ATF7: variants seen among roughly 807,000 people sequenced by gnomAD.
ATF7 encodes the protein activating transcription factor 7.
ATF7 carries 10 observed loss-of-function variants against 50.4 expected under a neutral mutation model. The observed-to-expected ratio is 0.20, with a 90% CI of 0.12 to 0.34. The LOEUF is 0.34. Among genes scored for constraint, ATF7 ranks in the 10% least tolerant of loss-of-function variants. ATF7 has a pLI of 1.00. For missense variants in ATF7, 465 were observed against 613.9 expected, an observed-to-expected ratio of 0.76 and a Z score of 2.56; for synonymous variants, 201 against 226.4, an observed-to-expected ratio of 0.89 and a Z score of 1.01.
chr12:53,562,321 C>A (rs79598123), intron 2 of ATF7, among the ~76,000 whole-genome samples: 6,419 of 152,190 alleles, frequency 0.042, 383 homozygotes, highest in African/African-American at 0.13. Context: ...TAAAGTGCTA[C>A]AAAGCAACCC....
intron 2 of ATF7, among the ~76,000 whole-genome samples, chr12:53,569,141 C>G (rs759335094): frequency 9.2e-5 from 14 of 151,964 alleles, no homozygotes; most frequent in Non-Finnish European, 1.6e-4. Flanking sequence ...CACTGCACTC[C>G]GGCCTGGGCG....
chr12:53,606,595 G>T (rs550203027), intron 1 of ATF7, among the ~76,000 whole-genome samples: 1 of 151,732 alleles, frequency 6.6e-6, no homozygotes. Context: ...TTAAGTTTTA[G>T]GGTACATGTG....
intron 2 of ATF7, among the ~76,000 whole-genome samples, chr12:53,585,871 T>C (rs1942655238): frequency 6.6e-6 from 1 of 152,176 alleles, no homozygotes; most frequent in African/African-American, 2.4e-5. Context: ...CACTCCACTC[T>C]GACAAGCCGA....
intron 9 of ATF7, among the ~76,000 whole-genome samples, chr12:53,528,052 A>G (rs549887749): frequency 7.4e-4 from 113 of 151,914 alleles, no homozygotes; most frequent in Non-Finnish European, 1.2e-3. Context: ...CGTGTTAGCC[A>G]GGATGGTCTT....
chr12:53,535,509 A>G (rs1939166531), intron 5 of ATF7, among the ~76,000 whole-genome samples: 1 of 152,048 alleles, frequency 6.6e-6, no homozygotes, highest in African/African-American at 2.4e-5. Context: ...AGAAGGAGGA[A>G]GCATGAGGGG....
chr12:53,540,014 C>A lies in ATF7; in HGVS notation c.265-2462G>T, dbSNP rs114904717. ...GAGCCTGGGAGTTTGAGGTTGCAAG[C>A]ACCATTGCACTCTAGCCTGGGCAGC... is the stretch of plus-strand genomic sequence containing the variant. On this transcript the variant is annotated intron_variant, in intron 4 of 11. Transcript: ENST00000420353. Among the ~76,000 whole-genome samples the A allele has an allele frequency of 7.9e-3, 1,199 of 151,476 alleles. 14 individuals carry two copies. Among genetic ancestry groups the A allele is most frequent in the African/African-American group, 0.028 (1,140 of 41,256 alleles).
chr12:53,592,025 T>C (rs1468751914), intron 2 of ATF7, among the ~76,000 whole-genome samples: 1 of 152,190 alleles, frequency 6.6e-6, no homozygotes, highest in Non-Finnish European at 1.5e-5. Flanking sequence ...CTGACATCGC[T>C]GATGTGAACA....
chr12:53,582,387 GCA>G (rs1343252102), intron 2 of ATF7, among the ~76,000 whole-genome samples: 1 of 149,966 alleles, frequency 6.7e-6, no homozygotes, highest in African/African-American at 2.5e-5. Context: ...TGTAATCCCA[GCA>G]CTATGGGAGG....
chr12:53,555,235 G>A (rs1940650998), intron 2 of ATF7, among the ~76,000 whole-genome samples: 1 of 151,528 alleles, frequency 6.6e-6, no homozygotes, highest in African/African-American at 2.4e-5. Flanking sequence ...TGAGGCAGGA[G>A]AATCGCTTGA....
chr12:53,523,254 G>C (rs752408253), intron 11 of ATF7, 22 bp downstream of exon 11: 2 of 1,508,112 alleles, frequency 1.3e-6, no homozygotes, highest in Non-Finnish European at 1.8e-6. Context: ...GACTGACTTA[G>C]CTTAGGTTGT....
chr12:53,537,347 A>G, intron 5 of ATF7, 68 bp downstream of exon 5: 9 of 1,581,278 alleles, frequency 5.7e-6, no homozygotes, highest in Non-Finnish European at 6.0e-6. Context: ...AGGACATACT[A>G]TTTATATAAT....
rs192856476 is a variant in ATF7 at position 53,539,513 on chromosome 12, G to C, written c.265-1961C>G. Among the ~76,000 whole-genome samples, 4 of 152,170 alleles carry C rather than the reference G, an allele frequency of 2.6e-5. No homozygotes were observed. In the East Asian group the frequency reaches 7.8e-4, roughly 29 times the overall value. ...GTTTGAGACCAGCCTGTGCAACATA[G>C]TGAGACCCTGTCTCTATGAAAATAA... On this transcript the variant is annotated intron_variant, in intron 4 of 11. Coordinates refer to ENST00000420353, the MANE Select transcript of ATF7 (RefSeq NM_006856.3).
chr12:53,566,846 C>T lies in ATF7; in HGVS notation c.49-14209G>A, dbSNP rs559748237. 4.1e-4 allele frequency among the ~76,000 whole-genome samples: 63 copies of T among 152,248 alleles called. 1 individual carries two copies. The highest frequency in any genetic ancestry group is 1.4e-3 in the African/African-American group (60 of 41,542). On this transcript the variant is annotated intron_variant, in intron 2 of 11. Transcript: ENST00000420353. ...TTGGCTCACTGCAACCTCTGCCTCC[C>T]GGGTTCAAGCAATTCTCCTGCCTCA...
intron 1 of ATF7, among the ~76,000 whole-genome samples, chr12:53,607,074 A>G (rs965545539): frequency 6.6e-5 from 10 of 152,200 alleles, no homozygotes; most frequent in Admixed American, 1.3e-4. Context: ...TTGGGTATAT[A>G]TCCAGTAATG....
At chr12:53,562,411 G>A (rs1159186710) in intron 2 of ATF7, among the ~76,000 whole-genome samples, 2 of 152,000 alleles carry the variant, frequency 1.3e-5, no homozygotes, top group African/African-American at 2.4e-5. Flanking sequence ...AGGCCGAGGC[G>A]GGCAGATCAC....
intron 1 of ATF7, among the ~76,000 whole-genome samples, chr12:53,623,057 A>C (rs1251713787): frequency 6.6e-6 from 1 of 152,222 alleles, no homozygotes; most frequent in Non-Finnish European, 1.5e-5. Context: ...ATACTTGAAG[A>C]CTACCATGTT....
In ATF7 at chr12:53,543,351, A is replaced by G; in HGVS notation, c.243T>C (p.Ala81=). 6.3e-7 allele frequency: 1 copy of G among 1,593,606 alleles called. No individual in the cohort carries two copies. Among genetic ancestry groups the G allele is most frequent in the Non-Finnish European group, 8.6e-7 (1 of 1,168,874 alleles). The part of the protein sequence containing the change: ...ASSFEHEFKK[A]ADEDEKKAAA... ...TTGCCTTTTTCTCATCCTCATCTGC[A>G]GCTTTCTTGAATTCATGTTCAAAGG... The change falls in exon 4 of 12, where the codon GCT becomes GCC. Residue 81 remains alanine (A), a synonymous_variant. Coordinates refer to ENST00000420353, the MANE Select transcript of ATF7 (RefSeq NM_006856.3).
At chr12:53,564,044 G>A (rs1362644429) in intron 2 of ATF7, among the ~76,000 whole-genome samples, 1 of 151,958 alleles carries the variant, frequency 6.6e-6, no homozygotes, top group Admixed American at 6.6e-5. Flanking sequence ...ACTTTCTTAG[G>A]GTATCTGATT....
rs1407229750 is a variant in ATF7, at chr12:53,517,195, C to A, written c.1394G>T (p.Ser465Ile). Residue 465 changes from serine (S) to isoleucine (I), a missense_variant, in exon 12 of 12, where the codon AGC (serine) becomes ATC (isoleucine). Transcript: ENST00000420353. ...GATTACATGCGATTGTATCGGCATG[C>A]TCAGTTCTGTCCTTTGGCTGGCCAT... The part of the protein sequence containing the change: ...TQMASQRTEL[S>I]MPIQSHVIMT... 3 of 1,613,888 alleles carry A rather than the reference C, an allele frequency of 1.9e-6. No homozygotes were observed. Among genetic ancestry groups the A allele is most frequent in the Non-Finnish European group, 2.5e-6 (3 of 1,179,910 alleles).
Sources: gnomAD v4.1 joint callset for allele counts (sites outside exome capture counted in the v4.1 genomes callset) on GRCh38, gnomAD v4.1.1 for gene constraint, MANE v1.5 for transcripts, NCBI Gene and HGNC (gene_info 2026-07-23, HGNC 2026-07-21) for gene names.